DNM2: variants seen among roughly 807,000 people sequenced by gnomAD.
DNM2 encodes dynamin-2.
Under a neutral mutation model 99.0 loss-of-function variants are expected in DNM2, and 15 were observed. That is an observed-to-expected ratio of 0.15 (90% CI 0.10 to 0.23). The LOEUF (loss-of-function observed/expected upper bound fraction) is 0.23, where lower values mean the gene tolerates loss of function less well. Ranked by LOEUF, DNM2 falls within the 10% of genes least tolerant of loss-of-function variation. The probability of loss-of-function intolerance (pLI) is 1.00; values close to 1 mark genes in which losing one functional copy is unlikely to be tolerated. For missense variants in DNM2, 742 were observed against 1,189.4 expected (o/e 0.62, Z 5.53); for synonymous variants, 525 against 481.2 (o/e 1.09, Z -1.19).
chr19:10,806,686 A>G (rs1013781423), intron 13 of DNM2, among the ~76,000 whole-genome samples: 2 of 152,100 alleles, frequency 1.3e-5, no homozygotes, highest in Non-Finnish European at 2.9e-5. Context: ...CCAGCTACTC[A>G]GGAGGCTGAG....
In DNM2 at chr19:10,729,867, A is replaced by T. The variant is rs1289178287; in HGVS notation, c.161+11464A>T. Among the ~76,000 whole-genome samples, 7 of 140,760 alleles carry T rather than the reference A, an allele frequency of 5.0e-5. 1 individual carries two copies. The highest frequency in any genetic ancestry group is 4.3e-4 in the Admixed American group (6 of 13,948). The allele number at this position is 140,760 out of a possible 152,430, so 92.3% of individuals were successfully genotyped here. On this transcript the variant is annotated intron_variant, in intron 1 of 20. Transcript: ENST00000389253. ...ATACGTGGCACCATTATGGGTGGTT[A>T]TTTTTTTTTTTTTTGGAACAGGTCT... is the stretch of plus-strand genomic sequence containing the variant.
At chr19:10,757,325 G>A (rs959841998) in intron 1 of DNM2, among the ~76,000 whole-genome samples, 4 of 152,192 alleles carry the variant, frequency 2.6e-5, no homozygotes, top group Admixed American at 1.3e-4. Flanking sequence ...CCCGGCTGAC[G>A]GGCTAGAACC....
intron 8 of DNM2, among the ~76,000 whole-genome samples, chr19:10,794,421 A>AT (rs890388469): frequency 6.6e-6 from 1 of 150,434 alleles, no homozygotes; most frequent in Middle Eastern, 3.2e-3. Context: ...AGCACATAGC[A>AT]TTTTTTATTA....
At chr19:10,789,372 G>A (rs1568301991) in intron 7 of DNM2, among the ~76,000 whole-genome samples, 1 of 152,050 alleles carries the variant, frequency 6.6e-6, no homozygotes, top group African/African-American at 2.4e-5. Flanking sequence ...TAAAGTGAGG[G>A]TCATAGCAGC....
chr19:10,758,435 C>CTCCTTCCCTCCCTCCCTCCT (rs1239219436), intron 1 of DNM2, among the ~76,000 whole-genome samples: 1 of 55,488 alleles, frequency 1.8e-5, no homozygotes, highest in African/African-American at 8.3e-5. Flanking sequence ...CCTTCCCTCC[C>CTCCTTCCCTCCCTCCCTCCT]TCCCTCCTTC....
rs2069615775 is a variant in DNM2, at chr19:10,738,523, T to C, written c.161+20120T>C. Among the ~76,000 whole-genome samples the C allele has an allele frequency of 2.0e-5, 3 of 151,370 alleles. No individual in the cohort carries two copies. The South Asian group carries it at 6.3e-4, about 32-fold the overall frequency. ...AGGGTGGGATGAGGACTGGCCACAG[T>C]TGGAGGCCAGGCCCTTCCTGGGGAT... On this transcript the variant is annotated intron_variant, in intron 1 of 20. Coordinates refer to ENST00000389253, the MANE Select transcript of DNM2 (RefSeq NM_001005361.3).
intron 1 of DNM2, among the ~76,000 whole-genome samples, chr19:10,747,829 G>A (rs2070045845): frequency 6.6e-6 from 1 of 152,156 alleles, no homozygotes; most frequent in Admixed American, 6.5e-5. Context: ...GCATTGAGCG[G>A]GTTGATGTGT....
chr19:10,736,449 A>G (rs2069529938), intron 1 of DNM2, among the ~76,000 whole-genome samples: 1 of 152,158 alleles, frequency 6.6e-6, no homozygotes, highest in African/African-American at 2.4e-5. Context: ...AAGACTTGAA[A>G]TCAGGCCATG....
At chr19:10,786,896 G>A (rs910134563) in intron 7 of DNM2, among the ~76,000 whole-genome samples, 190 bp downstream of exon 7, 2 of 152,268 alleles carry the variant, frequency 1.3e-5, no homozygotes, top group Non-Finnish European at 2.9e-5. Flanking sequence ...ACAGGTGTCC[G>A]TCCCTGCCCC....
Position 10,830,588 on chromosome 19 carries a change from G to C in DNM2, c.2543+210G>C. ...GAGTAGCGGAGCCCTGGTGACTCCG[G>C]GGCTCCCAGCTTGCCCTCTGCCTAC... On this transcript the variant is annotated intron_variant, in intron 20 of 20. Transcript: ENST00000389253. This position sits in a 1 kb window ranked among gnomAD's most constrained non-coding sequence, Gnocchi z 4.8. 1.5e-6 allele frequency: 1 copy of C among 661,952 alleles called. No individual in the cohort carries two copies. The allele number at this position is 661,952 out of a possible 1,614,324, so 41.0% of individuals were successfully genotyped here. A position where few individuals can be genotyped will look rare whatever the true frequency, so the allele number is the denominator to read the frequency against.
chr19:10,767,216 G>GT lies in DNM2; in HGVS notation c.236-5261dup, dbSNP rs1790666173. Reference sequence around the variant, plus strand: ...GGCTGATTCTTTGGGCCAGTGGATTGTTAAAAAAAAAAAAAAAATCATCTC... The same window carrying GT: ...GGCTGATTCTTTGGGCCAGTGGATTGTTTAAAAAAAAAAAAAAAATCATCTC... On this transcript the variant is annotated intron_variant, in intron 2 of 20. Transcript: ENST00000389253. 2.3e-5 allele frequency among the ~76,000 whole-genome samples: 3 copies of GT among 132,756 alleles called. No individual in the cohort carries two copies. The South Asian group carries it at 7.1e-4, about 31-fold the overall frequency. 87.1% of individuals were successfully genotyped at this position (132,756 alleles called of 152,430 possible).
Position 10,798,551 on chromosome 19 carries a change from G to A in DNM2, c.1401G>A (p.Arg467=), listed in dbSNP as rs1276869519. ...TCGTCACCACTTACATCCGGGAACG[G>A]GAGGGGAGAACGAAGGACCAGGTAC... ...ERIVTTYIRE[R]EGRTKDQILL... Residue 467 remains arginine (R), a synonymous_variant, in exon 11 of 21, where the codon CGG becomes CGA. Transcript: ENST00000389253. 2 of 1,614,108 alleles carry A rather than the reference G, an allele frequency of 1.2e-6. No individual in the cohort carries two copies. The highest frequency in any genetic ancestry group is 1.7e-6 in the Non-Finnish European group (2 of 1,180,054).
At chr19:10,782,566 G>C (rs1252729322) in intron 5 of DNM2, among the ~76,000 whole-genome samples, 1 of 150,896 alleles carries the variant, frequency 6.6e-6, no homozygotes, top group African/African-American at 2.4e-5. Flanking sequence ...CACCATGCTG[G>C]CCAGGGTGGC....
At chr19:10,719,377 C>T (rs1008407840) in intron 1 of DNM2, among the ~76,000 whole-genome samples, 5 of 152,084 alleles carry the variant, frequency 3.3e-5, no homozygotes, top group Non-Finnish European at 7.4e-5. Flanking sequence ...CCAGCTACAG[C>T]CTACAAATTG....
chr19:10,808,531 C>A, intron 13 of DNM2, 38 bp from the exon 14 acceptor site: 1 of 1,609,616 alleles, frequency 6.2e-7, no homozygotes, highest in East Asian at 2.2e-5. Flanking sequence ...CCTGCTCTTC[C>A]CTGATTTACC....
Position 10,829,219 on chromosome 19 carries a change from G to C in DNM2, c.2242G>C (p.Val748Leu), listed in dbSNP as rs761039674. 1 of 1,613,934 alleles carries C rather than the reference G, an allele frequency of 6.2e-7. No individual in the cohort carries two copies. Among genetic ancestry groups the C allele is most frequent in the Non-Finnish European group, 8.5e-7 (1 of 1,180,036 alleles). ...CAGCACCAGCACTGTGTCCACGCCT[G>C]TACCCCCGCCTGTCGATGACACCTG... ...DISTSTVSTP[V>L]PPPVDDTWLQ... Residue 748 changes from valine (V) to leucine (L), a missense_variant, in exon 19 of 21, where the codon GTA becomes CTA. Val to Leu is a conservative substitution (Grantham distance 32). This residue lies in a region of DNM2 where 187 missense variants were observed against 218.8 expected (regional missense o/e 0.85). Coordinates refer to ENST00000389253, the MANE Select transcript of DNM2 (RefSeq NM_001005361.3).
chr19:10,736,473 T>C (rs956720849), intron 1 of DNM2, among the ~76,000 whole-genome samples: 2 of 152,188 alleles, frequency 1.3e-5, no homozygotes, highest in Non-Finnish European at 2.9e-5. Flanking sequence ...GTCCTCTTTT[T>C]TCTTGTTTCT....
chr19:10,821,595 G>T, intron 16 of DNM2, among the ~76,000 whole-genome samples: 1 of 152,094 alleles, frequency 6.6e-6, no homozygotes, highest in East Asian at 1.9e-4. Flanking sequence ...GCAATGGTGC[G>T]ATCTCAGCTC....
chr19:10,812,406 G>C lies in DNM2; in HGVS notation c.1671+29G>C, dbSNP rs2072580876. On this transcript the variant is annotated intron_variant, in intron 15 of 20. Coordinates refer to ENST00000389253, the MANE Select transcript of DNM2 (RefSeq NM_001005361.3). The surrounding 1 kb of genome is among the most constrained non-coding windows in gnomAD (Gnocchi z 4.0). The stretch of plus-strand genomic sequence containing the variant: ...AGTGGCAGGCGGGAGCAGGGCTGCT[G>C]GGGTAGGTGGGGCAGCCAGGGAAGA... The C allele has an allele frequency of 6.4e-7, 1 of 1,562,322 alleles. No homozygotes were observed. The highest frequency in any genetic ancestry group is 8.7e-7 in the Non-Finnish European group (1 of 1,147,998).
Sources: gnomAD v4.1 joint callset for allele counts (sites outside exome capture counted in the v4.1 genomes callset) on GRCh38, gnomAD v4.1.1 for gene constraint, gnomAD v4.1.1 regional missense constraint, Gnocchi (gnomAD v3.1) non-coding constraint, MANE v1.5 for transcripts, NCBI Gene and HGNC (gene_info 2026-07-23, HGNC 2026-07-21) for gene names.